Variants in ZFYVE28 observed in about 807,000 individuals in gnomAD.
ZFYVE28 encodes the protein lateral signaling target protein 2 homolog.
A neutral mutation model predicts 82.1 loss-of-function variants in ZFYVE28; 40 were observed. The ratio of observed to expected loss-of-function variants is 0.49; its 90% CI spans 0.38 to 0.63. The LOEUF is 0.63. Ranked by LOEUF, ZFYVE28 falls within the 30% of genes least tolerant of loss-of-function variation. The pLI, the probability that ZFYVE28 is intolerant of heterozygous loss-of-function variation, is 0.00. For synonymous variants in ZFYVE28, 612 were observed against 546.1 expected (o/e 1.12, Z -1.68); for missense variants, 1,321 against 1,242.1 (o/e 1.06, Z -0.96).
rs1441975623 is a variant in ZFYVE28 at position 2,317,059 on chromosome 4, G to A, written c.803+3111C>T. On this transcript the variant is annotated intron_variant, in intron 7 of 12. Coordinates refer to ENST00000290974, the MANE Select transcript of ZFYVE28 (RefSeq NM_020972.3). ...GCTGGAGTACAGTGGCACGATCTTGGTTCACTGCAACCTCCACCTCCTGGG... is the reference window on the plus strand; with the variant it reads ...GCTGGAGTACAGTGGCACGATCTTGATTCACTGCAACCTCCACCTCCTGGG... 2.7e-5 allele frequency among the ~76,000 whole-genome samples: 4 copies of A among 149,316 alleles called. No homozygotes were observed. In the Admixed American group the frequency reaches 2.7e-4, roughly 10 times the overall value.
At chr4:2,273,989 C>G in intron 9 of ZFYVE28, 73 bp downstream of exon 9, 2 of 1,547,240 alleles carry the variant, frequency 1.3e-6, no homozygotes, top group Non-Finnish European at 1.8e-6. Flanking sequence ...TGTACACGCC[C>G]CGCCTGACCT....
chr4:2,319,807 G>A (rs1718783605), intron 7 of ZFYVE28, among the ~76,000 whole-genome samples: 2 of 148,182 alleles, frequency 1.3e-5, no homozygotes, highest in African/African-American at 5.0e-5. Context: ...GGACGGTGGG[G>A]ACGGTGGGGA....
chr4:2,380,232 C>T (rs1386556587), intron 1 of ZFYVE28, among the ~76,000 whole-genome samples: 3 of 152,194 alleles, frequency 2.0e-5, no homozygotes, highest in African/African-American at 7.2e-5. Context: ...TTCTGACTAG[C>T]TGTTGTCTCT....
chr4:2,308,565 GA>G (rs1474339347), intron 7 of ZFYVE28, among the ~76,000 whole-genome samples: 2 of 146,196 alleles, frequency 1.4e-5, no homozygotes, highest in African/African-American at 2.6e-5. Context: ...AAAGAGAAAG[GA>G]AAGAAGGAAA....
chr4:2,380,100 A>T, intron 1 of ZFYVE28, among the ~76,000 whole-genome samples: 1 of 152,204 alleles, frequency 6.6e-6, no homozygotes, highest in East Asian at 1.9e-4. Flanking sequence ...CAACAACCTA[A>T]TAGTATTAGT....
rs58136968 is a variant in ZFYVE28 at position 2,278,219 on chromosome 4, C to CTT, written c.2052-4005_2052-4004dup. On this transcript the variant is annotated intron_variant, in intron 8 of 12. Transcript: ENST00000290974. ...CAGAGCTACAACTCAAAGATTCTCTCTTTTTTTTTTTTTTTTTTTGAGATG... is the reference window on the plus strand; with the variant it reads ...CAGAGCTACAACTCAAAGATTCTCTCTTTTTTTTTTTTTTTTTTTTTGAGATG... Among the ~76,000 whole-genome samples, 83 of 136,898 alleles carry CTT rather than the reference C, an allele frequency of 6.1e-4. 2 individuals are homozygous for CTT. The highest frequency in any genetic ancestry group is 1.1e-3 in the African/African-American group (40 of 36,176). 89.8% of individuals were successfully genotyped at this position (136,898 alleles called of 152,430 possible).
At chr4:2,350,202 C>T (rs543077077) in intron 2 of ZFYVE28, among the ~76,000 whole-genome samples, 14 of 152,308 alleles carry the variant, frequency 9.2e-5, no homozygotes, top group South Asian at 2.1e-4. Context: ...CAGTGGCTCA[C>T]GCCTGTAATC....
Position 2,418,167 on chromosome 4 carries a change from G to A in ZFYVE28, c.39+118C>T, listed in dbSNP as rs186415276. The A allele has an allele frequency of 1.7e-4, 150 of 908,526 alleles. No homozygotes were observed. In the African/African-American group the frequency reaches 2.5e-3, roughly 15 times the overall value. The allele number at this position is 908,526 out of a possible 1,614,324, so 56.3% of individuals were successfully genotyped here. A position where few individuals can be genotyped will look rare whatever the true frequency, so the allele number is the denominator to read the frequency against. ...AGTGGAGGGAAGGATGTCGGCGGTG[G>A]GGGAAGAGGCCGGCCACGGACAGGG... is the stretch of plus-strand genomic sequence containing the variant. On this transcript the variant is annotated intron_variant, in intron 1 of 12. Coordinates refer to ENST00000290974, the MANE Select transcript of ZFYVE28 (RefSeq NM_020972.3). This position sits in a 1 kb window ranked among gnomAD's most constrained non-coding sequence, Gnocchi z 4.6.
intron 2 of ZFYVE28, among the ~76,000 whole-genome samples, chr4:2,351,326 C>T (rs1724408936): frequency 6.6e-6 from 1 of 152,164 alleles, no homozygotes; most frequent in African/African-American, 2.4e-5. Context: ...GTAGGAAAAA[C>T]CATTACCTAG....
chr4:2,369,843 T>C (rs866428888), intron 1 of ZFYVE28, among the ~76,000 whole-genome samples: 1 of 33,904 alleles, frequency 2.9e-5, no homozygotes, highest in Non-Finnish European at 7.1e-5. Context: ...ATTTTTTTTT[T>C]TCTTTTCTTT....
chr4:2,334,345 C>A (rs1355369424), intron 6 of ZFYVE28, among the ~76,000 whole-genome samples: 1 of 151,996 alleles, frequency 6.6e-6, no homozygotes, highest in Non-Finnish European at 1.5e-5. Context: ...CGGCAGCAGC[C>A]CCCATTGCTC....
intron 1 of ZFYVE28, chr4:2,364,818 G>C (rs1726653361): frequency 1.0e-6 from 1 of 985,622 alleles, no homozygotes; most frequent in Non-Finnish European, 1.2e-6. Flanking sequence ...GAATGGCGGG[G>C]GCTGTGTTCC....
rs765153076 is a variant in ZFYVE28 at position 2,304,575 on chromosome 4, C to A, written c.1765G>T (p.Gly589Cys). The change falls in exon 8 of 13, where the codon GGC becomes TGC. Residue 589 changes from glycine to cysteine, a missense_variant. Physicochemically the swap from Gly to Cys is radical, Grantham distance 159. This residue lies in a region of ZFYVE28 where 978 missense variants were observed against 833.7 expected (regional missense o/e 1.17). Coordinates refer to ENST00000290974, the MANE Select transcript of ZFYVE28 (RefSeq NM_020972.3). ...GCAGCGTACGAGGCACCAATGACGC[C>A]TCCCGGGCTGCACTTCTCCCGCAGA... ...ERLREKCSPG[G>C]VIGASYAAGL... 8 of 1,612,480 alleles carry A rather than the reference C, an allele frequency of 5.0e-6. No individual in the cohort carries two copies. Among genetic ancestry groups the A allele is most frequent in the Non-Finnish European group, 1.7e-6 (2 of 1,179,854 alleles).
chr4:2,334,652 T>C (rs1233309560), intron 6 of ZFYVE28, among the ~76,000 whole-genome samples: 1 of 147,400 alleles, frequency 6.8e-6, no homozygotes, highest in African/African-American at 2.5e-5. Context: ...TTCACTGACA[T>C]CCACATCTCC....
chr4:2,274,018 T>C (rs772592053), intron 9 of ZFYVE28, 44 bp downstream of exon 9: 3 of 1,604,156 alleles, frequency 1.9e-6, no homozygotes, highest in South Asian at 1.1e-5. Flanking sequence ...GCGCAGCCCG[T>C]GTGTCCTCAA....
Position 2,339,902 on chromosome 4 carries a change from C to A in ZFYVE28, c.319-247G>T, listed in dbSNP as rs1367806387. 1.0e-4 allele frequency among the ~76,000 whole-genome samples: 13 copies of A among 128,298 alleles called. No individual in the cohort carries two copies. The highest frequency in any genetic ancestry group is 3.8e-4 in the African/African-American group (13 of 34,300). 84.2% of individuals were successfully genotyped at this position (128,298 alleles called of 152,430 possible). On this transcript the variant is annotated intron_variant, in intron 3 of 12. Coordinates refer to ENST00000290974, the MANE Select transcript of ZFYVE28 (RefSeq NM_020972.3). This position sits in a 1 kb window ranked among gnomAD's most constrained non-coding sequence, Gnocchi z 5.0. ...GGCCCCAGGAGCAGGGAGGGCAGGG[C>A]ATGGCAGGGCAGGTAAGGGCAGGGG...
intron 1 of ZFYVE28, among the ~76,000 whole-genome samples, chr4:2,391,955 G>A (rs1729887118): frequency 6.6e-6 from 1 of 151,840 alleles, no homozygotes; most frequent in Non-Finnish European, 1.5e-5. Flanking sequence ...AGGAGTTTGA[G>A]ACCAACCTGG....
At position 2,408,214 on chromosome 4, in the gene ZFYVE28, C is replaced by T. The variant is rs1247522383; in HGVS notation, c.39+10071G>A. ...CCAGTCCTGGACCAACACATCTCCCCTAACCCCACCATGCCCTGGGCCTCC... is the reference window on the plus strand; with the variant it reads ...CCAGTCCTGGACCAACACATCTCCCTTAACCCCACCATGCCCTGGGCCTCC... On this transcript the variant is annotated intron_variant, in intron 1 of 12. Coordinates refer to ENST00000290974, the MANE Select transcript of ZFYVE28 (RefSeq NM_020972.3). This position sits in a 1 kb window ranked among gnomAD's most constrained non-coding sequence, Gnocchi z 4.3. 1.3e-5 allele frequency among the ~76,000 whole-genome samples: 2 copies of T among 152,218 alleles called. No individual in the cohort carries two copies. The highest frequency in any genetic ancestry group is 2.9e-5 in the Non-Finnish European group (2 of 68,022).
In ZFYVE28 at chr4:2,320,107, A is replaced by G; in HGVS notation, c.803+63T>C. On this transcript the variant is annotated intron_variant, in intron 7 of 12. Transcript: ENST00000290974. This position sits in a 1 kb window ranked among gnomAD's most constrained non-coding sequence, Gnocchi z 5.1. Reference sequence around the variant, plus strand: ...GGAGGCGGCGGCTAAACATGACTTCAGCGCCCACCTGTGGCCCTCCTGTCC... The same window carrying G: ...GGAGGCGGCGGCTAAACATGACTTCGGCGCCCACCTGTGGCCCTCCTGTCC... 6.6e-7 allele frequency: 1 copy of G among 1,520,190 alleles called. No homozygotes were observed. Among genetic ancestry groups the G allele is most frequent in the Non-Finnish European group, 9.1e-7 (1 of 1,100,254 alleles). The allele number at this position is 1,520,190 out of a possible 1,614,324, so 94.2% of individuals were successfully genotyped here.
Sources: allele counts gnomAD v4.1 joint callset (sites outside exome capture counted in the v4.1 genomes callset), GRCh38; gene constraint gnomAD v4.1.1; regional missense constraint gnomAD v4.1.1; non-coding constraint Gnocchi (gnomAD v3.1); transcripts MANE v1.5; gene names NCBI Gene and HGNC (gene_info 2026-07-23, HGNC 2026-07-21).